Variants in ENTPD5 observed in about 807,000 individuals in gnomAD.
The protein encoded by ENTPD5 is nucleoside diphosphate phosphatase ENTPD5.
ENTPD5 carries 49 observed loss-of-function variants against 60.2 expected under a neutral mutation model. The observed-to-expected ratio is 0.81, with a 90% CI of 0.65 to 1.03. The LOEUF is 1.03. Ranked by LOEUF, ENTPD5 falls within the 50% of genes least tolerant of loss-of-function variation. The probability of loss-of-function intolerance (pLI) is 0.00; values close to 1 mark genes in which losing one functional copy is unlikely to be tolerated. For synonymous variants in ENTPD5, 187 were observed against 185.4 expected, an observed-to-expected ratio of 1.01 and a Z score of -0.07; for missense variants, 480 against 507.6, an observed-to-expected ratio of 0.95 and a Z score of 0.52.
chr14:73,987,444 G>A (rs1041474466), intron 4 of ENTPD5, among the ~76,000 whole-genome samples: 3 of 152,152 alleles, frequency 2.0e-5, no homozygotes, highest in Non-Finnish European at 2.9e-5. Context: ...CCAGTACTTT[G>A]GGAGGCTGAG....
downstream of ENTPD5, chr14:73,959,589 T>G (rs1437687808): frequency 3.1e-6 from 5 of 1,612,630 alleles, no homozygotes; most frequent in South Asian, 5.5e-5. Context: ...TTGTTTTTTT[T>G]TTTTTGAAAC....
chr14:73,995,598 A>T (rs921507985), intron 3 of ENTPD5, among the ~76,000 whole-genome samples: 1 of 150,240 alleles, frequency 6.7e-6, no homozygotes, highest in African/African-American at 2.4e-5. Context: ...TAATAATAAT[A>T]ATAATAATAA....
chr14:73,986,039 T>A (rs2057889099), intron 5 of ENTPD5, among the ~76,000 whole-genome samples: 1 of 139,694 alleles, frequency 7.2e-6, no homozygotes, highest in African/African-American at 2.7e-5. Flanking sequence ...GCCACTGCAC[T>A]CCAGCCTGGG....
chr14:73,958,384 AC>A, downstream of ENTPD5: 1 of 1,570,342 alleles, frequency 6.4e-7, no homozygotes, highest in Non-Finnish European at 8.7e-7. Context: ...TTTAGGCAAA[AC>A]TTTTGGTTAT....
chr14:73,967,143 G>A (rs2057010126), intron 15 of ENTPD5, 129 bp from the exon 16 acceptor site: 2 of 697,738 alleles, frequency 2.9e-6, no homozygotes, highest in African/African-American at 1.8e-5. Flanking sequence ...ACAGAAGCCA[G>A]TCTTTGCAGG....
chr14:73,977,271 CT>C (rs760569923), intron 7 of ENTPD5, 27 bp downstream of exon 7: 16 of 1,570,750 alleles, frequency 1.0e-5, no homozygotes, highest in Non-Finnish European at 1.3e-5. Flanking sequence ...CCCTCTCCCC[CT>C]GGAACGCATA....
intron 15 of ENTPD5, among the ~76,000 whole-genome samples, chr14:73,969,742 C>A (rs2057140767): frequency 9.5e-6 from 1 of 105,646 alleles, no homozygotes. Context: ...AATAAATAAA[C>A]CATGTGACTT....
chr14:73,973,084 T>A, intron 12 of ENTPD5, 60 bp from the exon 13 acceptor site: 1 of 1,588,668 alleles, frequency 6.3e-7, no homozygotes, highest in African/African-American at 1.3e-5. Context: ...GGGGACACTC[T>A]CTGAGGCAGG....
At position 74,000,726 on chromosome 14, in the gene ENTPD5, C is replaced by T. The variant is rs141866246; in HGVS notation, c.-71+10365G>A. 1.4e-3 allele frequency among the ~76,000 whole-genome samples: 206 copies of T among 151,080 alleles called. 2 individuals carry two copies. The highest frequency in any genetic ancestry group is 4.6e-3 in the African/African-American group (189 of 41,090). ...CCTGGGAGGCGAGGCTGCAGGGAGC[C>T]GAGATCATGCCACTGCACTCCAGCC... On this transcript the variant is annotated intron_variant, in intron 3 of 15. Coordinates refer to ENST00000334696, the MANE Select transcript of ENTPD5 (RefSeq NM_001249.5).
intron 14 of ENTPD5, among the ~76,000 whole-genome samples, chr14:73,970,482 ACT>A (rs1050597108): frequency 6.6e-6 from 1 of 151,736 alleles, no homozygotes; most frequent in African/African-American, 2.4e-5. Context: ...ACAGAGCAAG[ACT>A]CTGTCTCAAA....
At chr14:73,958,687 T>A, downstream of ENTPD5, 1 of 1,343,876 alleles carries the variant, frequency 7.4e-7, no homozygotes, top group Non-Finnish European at 9.6e-7. Context: ...TGCCCCATAC[T>A]GAAACTTTCC....
At chr14:73,976,435 A>T in intron 8 of ENTPD5, 23 bp from the exon 9 acceptor site, 1 of 1,601,716 alleles carries the variant, frequency 6.2e-7, no homozygotes, top group Non-Finnish European at 8.6e-7. Flanking sequence ...AGCCAGCTCT[A>T]AATAGCCTCG....
At chr14:73,991,625 A>AAAG (rs56259684) in intron 3 of ENTPD5, among the ~76,000 whole-genome samples, 2,664 of 128,020 alleles carry the variant, frequency 0.021, 131 homozygotes, top group African/African-American at 0.069. Context: ...AAAAAAAAAA[A>AAAG]ACAATTAGGG....
At chr14:73,956,053 G>A (rs188688808), downstream of ENTPD5, 47 of 1,404,536 alleles carry the variant, frequency 3.3e-5, no homozygotes, top group East Asian at 6.3e-4. Context: ...GGCCGGGTGC[G>A]GTGGCTCACG....
At chr14:73,956,096 G>A (rs1196545181), downstream of ENTPD5, 22 of 861,196 alleles carry the variant, frequency 2.6e-5, no homozygotes, top group Admixed American at 1.6e-4. Context: ...AGGCTAAGGC[G>A]GGCGGATCAC....
intron 15 of ENTPD5, 93 bp downstream of exon 15, chr14:73,969,917 C>G: frequency 1.1e-6 from 1 of 892,688 alleles, no homozygotes. Context: ...CATAATTTCA[C>G]TTCTAGCTAC....
At chr14:73,955,342 T>C, downstream of ENTPD5, 1 of 809,578 alleles carries the variant, frequency 1.2e-6, no homozygotes, top group Middle Eastern at 2.6e-4. Flanking sequence ...AAGTGGAGAG[T>C]ATTATTGAAG....
chr14:73,984,885 C>T lies in ENTPD5; in HGVS notation c.298-1724G>A, dbSNP rs993422616. Among the ~76,000 whole-genome samples, 7 of 152,218 alleles carry T rather than the reference C, an allele frequency of 4.6e-5. No homozygotes were observed. The South Asian group carries it at 6.2e-4, about 14-fold the overall frequency. ...TTTACATTAGGTATATCTCCTAATG[C>T]TTTCCCTCCCTGCTCCCGCCACCCC... On this transcript the variant is annotated intron_variant, in intron 5 of 15. Coordinates refer to ENST00000334696, the MANE Select transcript of ENTPD5 (RefSeq NM_001249.5).
At chr14:73,986,237 A>C (rs2057899806) in intron 5 of ENTPD5, 1 of 152,284 alleles carries the variant, frequency 6.6e-6, no homozygotes, top group Non-Finnish European at 1.5e-5. Context: ...AACATTCTGC[A>C]TTATTCTATT....
Sources: gnomAD v4.1 joint callset for allele counts (sites outside exome capture counted in the v4.1 genomes callset) on GRCh38, gnomAD v4.1.1 for gene constraint, MANE v1.5 for transcripts, NCBI Gene and HGNC (gene_info 2026-07-23, HGNC 2026-07-21) for gene names.